The following HDAC9 variants were observed in gnomAD, a reference collection of about 807,000 sequenced individuals.
The protein encoded by HDAC9 is MEF-2 interacting transcription repressor (MITR) protein.
HDAC9 carries 41 observed loss-of-function variants against 139.4 expected under a neutral mutation model. That is an observed-to-expected ratio of 0.29 (90% CI 0.23 to 0.38). HDAC9 has a LOEUF of 0.38. HDAC9 is among the 10% of genes least tolerant of loss of function. The pLI, the probability that HDAC9 is intolerant of heterozygous loss-of-function variation, is 1.00. For missense variants in HDAC9, 1,147 were observed against 1,297.0 expected (o/e 0.88, Z 1.78); for synonymous variants, 517 against 476.2 (o/e 1.09, Z -1.12).
intron 13 of HDAC9, among the ~76,000 whole-genome samples, chr7:18,744,808 G>C (rs918564787): frequency 3.9e-5 from 6 of 151,958 alleles, no homozygotes; most frequent in Non-Finnish European, 8.8e-5. Context: ...CAAAGTCCAA[G>C]TTTATCTAAA....
intron 7 of HDAC9, among the ~76,000 whole-genome samples, chr7:18,630,407 G>A (rs1208187769): frequency 6.6e-6 from 1 of 151,856 alleles, no homozygotes; most frequent in African/African-American, 2.4e-5. Flanking sequence ...TTTATTTTCT[G>A]TATAACTCTT....
intron 2 of HDAC9, among the ~76,000 whole-genome samples, chr7:18,548,431 G>A (rs563483890): frequency 2.0e-5 from 3 of 152,116 alleles, no homozygotes; most frequent in Non-Finnish European, 4.4e-5. Context: ...GCTCAAAGCC[G>A]AGTTGCCACA....
rs34326798 is a variant in HDAC9, at chr7:18,554,327, C to CTT, written c.23-30928_23-30927dup. Among the ~76,000 whole-genome samples the CTT allele has an allele frequency of 2.5e-3, 147 of 58,328 alleles. 10 individuals are homozygous for CTT. The highest frequency in any genetic ancestry group is 9.1e-3 in the African/African-American group (125 of 13,680). 38.3% of individuals were successfully genotyped at this position (58,328 alleles called of 152,430 possible). A position where few individuals can be genotyped will look rare whatever the true frequency, so the allele number is the denominator to read the frequency against. On this transcript the variant is annotated intron_variant, in intron 2 of 25. Transcript: ENST00000686413. Reference sequence around the variant, plus strand: ...GTACACCAACTGGTATTACAGATCACTTTTTTTTTTTTTTTTTTTTTTTTT... The same window carrying CTT: ...GTACACCAACTGGTATTACAGATCACTTTTTTTTTTTTTTTTTTTTTTTTTTT...
chr7:18,436,253 T>C (rs374889472), intron 1 of HDAC9, among the ~76,000 whole-genome samples: 24 of 152,342 alleles, frequency 1.6e-4, no homozygotes, highest in African/African-American at 4.1e-4. Flanking sequence ...TTGATTAAGA[T>C]GATATTTTTA....
intron 1 of HDAC9, among the ~76,000 whole-genome samples, chr7:18,134,561 G>A (rs947844476): frequency 3.9e-5 from 6 of 152,106 alleles, no homozygotes; most frequent in African/African-American, 1.4e-4. Flanking sequence ...TAGTTACAAG[G>A]ACTGCATAAA....
chr7:18,901,265 TA>T (rs1415069735), intron 22 of HDAC9, among the ~76,000 whole-genome samples: 11 of 149,154 alleles, frequency 7.4e-5, no homozygotes, highest in Non-Finnish European at 1.2e-4. Flanking sequence ...CATATACATA[TA>T]TATATATATA....
intron 15 of HDAC9, among the ~76,000 whole-genome samples, chr7:18,764,471 A>G (rs534579632): frequency 2.0e-5 from 3 of 152,236 alleles, no homozygotes; most frequent in East Asian, 3.9e-4. Flanking sequence ...CAACACTTCA[A>G]AACTACTTCT....
intron 1 of HDAC9, among the ~76,000 whole-genome samples, chr7:18,429,998 A>C (rs1252972421): frequency 6.6e-6 from 1 of 152,224 alleles, no homozygotes; most frequent in African/African-American, 2.4e-5. Context: ...CATTTCATAC[A>C]TTAGGTATTT....
chr7:18,821,828 A>T (rs935988074), intron 17 of HDAC9, among the ~76,000 whole-genome samples: 13 of 152,174 alleles, frequency 8.5e-5, no homozygotes, highest in African/African-American at 3.1e-4. Context: ...TATAAATCAG[A>T]TGTTATTACA....
At chr7:18,281,244 C>G (rs898588842) in intron 2 of HDAC9, among the ~76,000 whole-genome samples, 1 of 152,320 alleles carries the variant, frequency 6.6e-6, no homozygotes, top group African/African-American at 2.4e-5. Context: ...GATAAACTTT[C>G]TATATGATGA....
intron 13 of HDAC9, among the ~76,000 whole-genome samples, chr7:18,743,025 C>T (rs1240754512): frequency 1.3e-5 from 2 of 152,118 alleles, no homozygotes; most frequent in African/African-American, 2.4e-5. Context: ...CTGAACGAAG[C>T]AGTATGAATG....
chr7:18,970,830 A>G (rs1454523433), intron 24 of HDAC9, among the ~76,000 whole-genome samples: 4 of 152,140 alleles, frequency 2.6e-5, no homozygotes, highest in Non-Finnish European at 5.9e-5. Context: ...CAAATTTGAG[A>G]AGGAGTGACA....
intron 1 of HDAC9, among the ~76,000 whole-genome samples, chr7:18,158,785 G>A (rs1584384290): frequency 1.3e-5 from 2 of 152,238 alleles, no homozygotes; most frequent in Admixed American, 6.5e-5. Flanking sequence ...AGACCACTAC[G>A]TATGATGTTA....
intron 2 of HDAC9, among the ~76,000 whole-genome samples, chr7:18,190,588 A>G (rs1584546415): frequency 6.6e-6 from 1 of 152,356 alleles, no homozygotes; most frequent in East Asian, 1.9e-4. Flanking sequence ...TAAGATTATG[A>G]TGCAAGAGGA....
At chr7:18,255,369 T>C in intron 2 of HDAC9, among the ~76,000 whole-genome samples, 1 of 151,988 alleles carries the variant, frequency 6.6e-6, no homozygotes, top group East Asian at 1.9e-4. Flanking sequence ...AGGAAGGAAG[T>C]TTTTCATTGA....
chr7:18,744,012 G>GTTTTATTTTTT (rs1787702498), intron 13 of HDAC9, among the ~76,000 whole-genome samples: 1 of 110,448 alleles, frequency 9.1e-6, no homozygotes, highest in South Asian at 3.3e-4. Context: ...TTTACTACTA[G>GTTTTATTTTTT]TTTTTTTTTT....
intron 1 of HDAC9, among the ~76,000 whole-genome samples, chr7:18,337,649 G>A (rs961259788): frequency 6.6e-6 from 1 of 151,694 alleles, no homozygotes; most frequent in Non-Finnish European, 1.5e-5. Context: ...GCGTGTGTAT[G>A]TGCTGAACTT....
chr7:18,976,604 A>C (rs1486529401), intron 25 of HDAC9, among the ~76,000 whole-genome samples: 1 of 152,162 alleles, frequency 6.6e-6, no homozygotes, highest in African/African-American at 2.4e-5. Flanking sequence ...AAATACAGTG[A>C]AACTAAGATT....
intron 22 of HDAC9, chr7:18,899,357 C>A: frequency 6.6e-6 from 1 of 151,794 alleles, no homozygotes; most frequent in East Asian, 1.9e-4. Flanking sequence ...ACTTGCTCTC[C>A]CTATAGCCAA....
Sources: gnomAD v4.1 joint callset for allele counts (sites outside exome capture counted in the v4.1 genomes callset) on GRCh38, gnomAD v4.1.1 for gene constraint, MANE v1.5 for transcripts, NCBI Gene and HGNC (gene_info 2026-07-23, HGNC 2026-07-21) for gene names.